Variants in MARS1 observed in about 807,000 individuals in gnomAD.
MARS1 encodes methionine--tRNA ligase, cytoplasmic.
A neutral mutation model predicts 119.5 loss-of-function variants in MARS1; 80 were observed. The observed-to-expected ratio is 0.67, with a 90% CI of 0.56 to 0.81. MARS1 has a LOEUF of 0.81. Ranked by LOEUF, MARS1 falls within the 30% of genes least tolerant of loss-of-function variation. The probability of loss-of-function intolerance (pLI) is 0.00; values close to 1 mark genes in which losing one functional copy is unlikely to be tolerated. For missense variants in MARS1, 945 were observed against 1,116.5 expected, an observed-to-expected ratio of 0.85 and a Z score of 2.19; for synonymous variants, 418 against 433.4, an observed-to-expected ratio of 0.96 and a Z score of 0.44.
intron 11 of MARS1, 130 bp from the exon 12 acceptor site, chr12:57,511,568 G>T: frequency 1.1e-6 from 1 of 871,484 alleles, no homozygotes; most frequent in Non-Finnish European, 1.8e-6. Flanking sequence ...GGGCAACAGA[G>T]CAAGACTCTG....
chr12:57,512,232 C>T lies in MARS1; in HGVS notation c.1636-4C>T, dbSNP rs1057521247. ...GGAAATCTCTCCTAACCACATTCCCCTAGGTGGACCTGTATCAGTTCATGG... is the reference window on the plus strand; with the variant it reads ...GGAAATCTCTCCTAACCACATTCCCTTAGGTGGACCTGTATCAGTTCATGG... On this transcript the variant is annotated splice_polypyrimidine_tract_variant and splice_region_variant and intron_variant, in intron 13 of 20. Transcript: ENST00000262027. 2 of 1,612,556 alleles carry T rather than the reference C, an allele frequency of 1.2e-6. No individual in the cohort carries two copies. The highest frequency in any genetic ancestry group is 1.7e-6 in the Non-Finnish European group (2 of 1,178,604).
intron 7 of MARS1, among the ~76,000 whole-genome samples, chr12:57,495,112 C>G (rs1876528009): frequency 6.7e-6 from 1 of 149,242 alleles, no homozygotes; most frequent in South Asian, 2.1e-4. Context: ...ACCTCCCGGG[C>G]TGGGTGGCGG....
rs1876327027 is a variant in MARS1 at position 57,493,749 on chromosome 12, ACAT to A, written c.770+3106_770+3108del. 7.5e-3 allele frequency among the ~76,000 whole-genome samples: 33 copies of A among 4,414 alleles called. 5 individuals are homozygous for A. The highest frequency in any genetic ancestry group is 0.052 in the African/African-American group (30 of 578). The allele number at this position is 4,414 out of a possible 152,430, so 2.9% of individuals were successfully genotyped here. On this transcript the variant is annotated intron_variant, in intron 7 of 20. Coordinates refer to ENST00000262027, the MANE Select transcript of MARS1 (RefSeq NM_004990.4). ...TTATATTATATAATATATATTATAT[ACAT>A]TATATTATATATATTATATATAATA...
In MARS1 at chr12:57,491,093, G is replaced by A. The variant is rs374411703; in HGVS notation, c.770+449G>A. 5.2e-4 allele frequency among the ~76,000 whole-genome samples: 79 copies of A among 151,744 alleles called. No individual in the cohort carries two copies. The South Asian group carries it at 0.016, about 30-fold the overall frequency. ...CATGTTGCCCAGACAGGCTGGTCTCGAACTCCTGACCTCAGGTGATCCACC... is the reference window on the plus strand; with the variant it reads ...CATGTTGCCCAGACAGGCTGGTCTCAAACTCCTGACCTCAGGTGATCCACC... On this transcript the variant is annotated intron_variant, in intron 7 of 20. Transcript: ENST00000262027.
chr12:57,510,263 A>G (rs1366590017), intron 11 of MARS1, among the ~76,000 whole-genome samples: 2 of 151,780 alleles, frequency 1.3e-5, no homozygotes, highest in Non-Finnish European at 2.9e-5. Flanking sequence ...CATGAGGTCA[A>G]TAGACCGAGA....
chr12:57,497,202 G>A (rs1166981565), intron 7 of MARS1, among the ~76,000 whole-genome samples: 1 of 152,202 alleles, frequency 6.6e-6, no homozygotes, highest in Non-Finnish European at 1.5e-5. Context: ...TGATTTCTAA[G>A]CTGGATTTCA....
Position 57,500,232 on chromosome 12 carries a change from G to C in MARS1, c.1092-89G>C. On this transcript the variant is annotated intron_variant, in intron 9 of 20. Coordinates refer to ENST00000262027, the MANE Select transcript of MARS1 (RefSeq NM_004990.4). ...CCTTCTGCCTGATTTCTTTGTCACT[G>C]AGTTTGGGTCCCTGGTTGGAGTGGC... 4.8e-6 allele frequency: 5 copies of C among 1,049,526 alleles called. No homozygotes were observed. In the South Asian group the frequency reaches 6.4e-5, roughly 13 times the overall value. 65.0% of individuals were successfully genotyped at this position (1,049,526 alleles called of 1,614,324 possible).
intron 7 of MARS1, among the ~76,000 whole-genome samples, chr12:57,492,388 C>T (rs572972226): frequency 4.1e-5 from 6 of 146,570 alleles, no homozygotes; most frequent in Non-Finnish European, 7.5e-5. Flanking sequence ...AGACTTAAAA[C>T]GGCCAGGTGC....
In MARS1 at chr12:57,515,077, T is replaced by C; in HGVS notation, c.2204+19T>C. On this transcript the variant is annotated intron_variant, in intron 17 of 20. Transcript: ENST00000262027. ...CTGACAGGTAGGTAAGCGGGGAGGGTTGGCTAAAGGCATAAAGTGGCTTGT... is the reference window on the plus strand; with the variant it reads ...CTGACAGGTAGGTAAGCGGGGAGGGCTGGCTAAAGGCATAAAGTGGCTTGT... 6.2e-7 allele frequency: 1 copy of C among 1,613,798 alleles called. No individual in the cohort carries two copies.
chr12:57,512,345 T>C lies in MARS1; in HGVS notation c.1745T>C (p.Ile582Thr). The change falls in exon 14 of 21, where the codon ATT (isoleucine) becomes ACT (threonine). Residue 582 changes from isoleucine to threonine, a missense_variant. Coordinates refer to ENST00000262027, the MANE Select transcript of MARS1 (RefSeq NM_004990.4). ...EDNYTLVSHL[I>T]ATEYLNYEDG... ...AACTATACCTTGGTCAGCCACCTCA[T>C]TGCTACAGGTAAGTACCCTGGAAGA... 6.2e-7 allele frequency: 1 copy of C among 1,611,476 alleles called. No individual in the cohort carries two copies. The highest frequency in any genetic ancestry group is 8.5e-7 in the Non-Finnish European group (1 of 1,177,678).
chr12:57,512,271 TC>T lies in MARS1; in HGVS notation c.1673del (p.Pro558LeufsTer5), dbSNP rs777796064. 1 of 1,614,160 alleles carries T rather than the reference TC, an allele frequency of 6.2e-7. No homozygotes were observed. The highest frequency in any genetic ancestry group is 1.1e-5 in the South Asian group (1 of 91,084). The part of the protein sequence containing the change: ...LYQFMAKDNV[P>X]FHSLVFPCSA... Reference sequence around the variant, plus strand: ...ATCAGTTCATGGCCAAAGACAATGTTCCTTTCCATAGCTTAGTCTTTCCTTG... The same window carrying T: ...ATCAGTTCATGGCCAAAGACAATGTTCTTTCCATAGCTTAGTCTTTCCTTG... On this transcript the variant is annotated frameshift_variant, in exon 14 of 21. Coordinates refer to ENST00000262027, the MANE Select transcript of MARS1 (RefSeq NM_004990.4). LOFTEE classifies it high-confidence loss of function.
intron 11 of MARS1, among the ~76,000 whole-genome samples, chr12:57,507,523 G>A (rs1486249682): frequency 2.0e-5 from 2 of 100,728 alleles, no homozygotes; most frequent in African/African-American, 7.5e-5. Context: ...GCGGCTGGCC[G>A]GGCAGAGGGG....
chr12:57,491,588 C>T (rs1473284192), intron 7 of MARS1, among the ~76,000 whole-genome samples: 4 of 152,150 alleles, frequency 2.6e-5, no homozygotes, highest in Non-Finnish European at 4.4e-5. Context: ...TATCCTCTTT[C>T]CCTGACACTC....
chr12:57,493,801 T>TAA (rs1565641150), intron 7 of MARS1, among the ~76,000 whole-genome samples: 1 of 906 alleles, frequency 1.1e-3, no homozygotes, highest in Non-Finnish European at 3.0e-3. Context: ...ATATATTATA[T>TAA]TATATAATGT....
chr12:57,501,921 G>A (rs186804004), intron 10 of MARS1, among the ~76,000 whole-genome samples: 1 of 152,048 alleles, frequency 6.6e-6, no homozygotes, highest in African/African-American at 2.4e-5. Context: ...CTTGAACCTG[G>A]GAAGCGGAGG....
At chr12:57,493,829 T>TATTATATTA (rs1271836615) in intron 7 of MARS1, among the ~76,000 whole-genome samples, 1 of 1,244 alleles carries the variant, frequency 8.0e-4, no homozygotes, top group South Asian at 0.083. Flanking sequence ...ATATATTATA[T>TATTATATTA]TATATATTAT....
chr12:57,489,994 C>T, intron 5 of MARS1, 23 bp downstream of exon 5: 1 of 1,606,050 alleles, frequency 6.2e-7, no homozygotes, highest in Non-Finnish European at 8.5e-7. Flanking sequence ...CATATCACTC[C>T]AACCCTAGGA....
intron 11 of MARS1, among the ~76,000 whole-genome samples, chr12:57,509,870 C>T (rs1877422197): frequency 6.6e-6 from 1 of 152,182 alleles, no homozygotes; most frequent in Admixed American, 6.5e-5. Flanking sequence ...CTTATTAGCT[C>T]AATCCTACAA....
intron 9 of MARS1, among the ~76,000 whole-genome samples, chr12:57,499,740 A>C (rs1462818540): frequency 6.6e-6 from 1 of 152,000 alleles, no homozygotes; most frequent in African/African-American, 2.4e-5. Flanking sequence ...CTCTACTAAG[A>C]ATACAAAAAT....
Sources: allele counts gnomAD v4.1 joint callset (sites outside exome capture counted in the v4.1 genomes callset), GRCh38; gene constraint gnomAD v4.1.1; transcripts MANE v1.5; gene names NCBI Gene and HGNC (gene_info 2026-07-23, HGNC 2026-07-21).